Variants in EPB41L3 observed in about 807,000 individuals in gnomAD.
EPB41L3 encodes erythrocyte membrane protein band 4.1 like 3.
Under a neutral mutation model 127.1 loss-of-function variants are expected in EPB41L3, and 57 were observed. The observed-to-expected ratio is 0.45, with a 90% CI of 0.36 to 0.56. EPB41L3 has a LOEUF of 0.56. Among genes scored for constraint, EPB41L3 ranks in the 20% least tolerant of loss-of-function variants. The probability of loss-of-function intolerance (pLI) is 0.00; values close to 1 mark genes in which losing one functional copy is unlikely to be tolerated. For missense variants in EPB41L3, 1,273 were observed against 1,372.2 expected, an observed-to-expected ratio of 0.93 and a Z score of 1.14; for synonymous variants, 572 against 549.5, an observed-to-expected ratio of 1.04 and a Z score of -0.57.
At chr18:5,434,682 G>A (rs2079491946) in intron 6 of EPB41L3, among the ~76,000 whole-genome samples, 2 of 152,134 alleles carry the variant, frequency 1.3e-5, no homozygotes, top group African/African-American at 4.8e-5. Context: ...TGGTGGTGCT[G>A]GTGTAAACAA....
At chr18:5,402,152 C>T (rs2074595323) in intron 16 of EPB41L3, among the ~76,000 whole-genome samples, 1 of 150,800 alleles carries the variant, frequency 6.6e-6, no homozygotes, top group African/African-American at 2.4e-5. Context: ...GAGAAACAAG[C>T]CATTTTCAGA....
chr18:5,573,622 T>G (rs958874275), intron 3 of EPB41L3, among the ~76,000 whole-genome samples: 1 of 152,172 alleles, frequency 6.6e-6, no homozygotes, highest in African/African-American at 2.4e-5. Flanking sequence ...TTCACTGGGT[T>G]GGTTCAAAGA....
At position 5,397,005 on chromosome 18, in the gene EPB41L3, C is replaced by A; in HGVS notation, c.2841+53G>T. 1 of 1,507,360 alleles carries A rather than the reference C, an allele frequency of 6.6e-7. No homozygotes were observed. The highest frequency in any genetic ancestry group is 8.8e-7 in the Non-Finnish European group (1 of 1,130,406). The allele number at this position is 1,507,360 out of a possible 1,614,324, so 93.4% of individuals were successfully genotyped here. A position where few individuals can be genotyped will look rare whatever the true frequency, so the allele number is the denominator to read the frequency against. On this transcript the variant is annotated intron_variant, in intron 18 of 22. Coordinates refer to ENST00000341928, the MANE Select transcript of EPB41L3 (RefSeq NM_012307.5). The surrounding 1 kb of genome is among the most constrained non-coding windows in gnomAD (Gnocchi z 4.1). ...CTTTATGCTGATCTAAATTTCCAGG[C>A]ATCCTATATCAGTTTTATTTTAGTG...
intron 3 of EPB41L3, among the ~76,000 whole-genome samples, chr18:5,586,565 A>ATTTTTTT (rs10669405): frequency 1.6e-5 from 2 of 125,996 alleles, no homozygotes; most frequent in African/African-American, 3.0e-5. Context: ...ATACATGACT[A>ATTTTTTT]TTTTTTTTTT....
chr18:5,522,842 T>C (rs919986806), intron 1 of EPB41L3, among the ~76,000 whole-genome samples: 3 of 152,184 alleles, frequency 2.0e-5, no homozygotes, highest in South Asian at 2.1e-4. Flanking sequence ...TACTGCTAGG[T>C]AGAAAAGTGC....
At chr18:5,419,654 C>T in intron 12 of EPB41L3, 57 bp downstream of exon 12, 1 of 1,605,226 alleles carries the variant, frequency 6.2e-7, no homozygotes, top group Non-Finnish European at 8.5e-7. Context: ...GCCTCAGCAT[C>T]ATTTAGTCAT....
chr18:5,601,513 G>T (rs2094591440), intron 3 of EPB41L3, among the ~76,000 whole-genome samples: 1 of 152,130 alleles, frequency 6.6e-6, no homozygotes, highest in Non-Finnish European at 1.5e-5. Flanking sequence ...GTGTGTTGTT[G>T]TTTTTTTCCT....
At chr18:5,453,767 T>C (rs1031020962) in intron 3 of EPB41L3, among the ~76,000 whole-genome samples, 7 of 152,224 alleles carry the variant, frequency 4.6e-5, no homozygotes, top group Admixed American at 4.6e-4. Flanking sequence ...TTGTCCTTTT[T>C]ACTGCCCTGG....
intron 1 of EPB41L3, among the ~76,000 whole-genome samples, chr18:5,501,396 C>CT (rs1271057463): frequency 6.6e-6 from 1 of 152,204 alleles, no homozygotes; most frequent in South Asian, 2.1e-4. Flanking sequence ...AATCTGACCC[C>CT]TAAAGCCCCT....
At chr18:5,592,990 G>T (rs2094499981) in intron 3 of EPB41L3, among the ~76,000 whole-genome samples, 1 of 152,166 alleles carries the variant, frequency 6.6e-6, no homozygotes, top group African/African-American at 2.4e-5. Flanking sequence ...AGCTATGCAG[G>T]TATCATGTAG....
At chr18:5,629,510 TGAAAGCAG>T, upstream of EPB41L3, among the ~76,000 whole-genome samples, 1 of 151,818 alleles carries the variant, frequency 6.6e-6, no homozygotes, top group South Asian at 2.1e-4. Flanking sequence ...ACTGTCCACT[TGAAAGCAG>T]GAAAGCAGGG....
At position 5,416,176 on chromosome 18, in the gene EPB41L3, T is replaced by C; in HGVS notation, c.1709A>G (p.Asp570Gly). The change falls in exon 13 of 23, where the codon GAT becomes GGT. Residue 570 changes from aspartate (D) to glycine (G), a missense_variant. Physicochemically the swap from Asp to Gly is moderately conservative, Grantham distance 94. Transcript: ENST00000341928. ...GPGRPYLGDQ[D>G]VAFSYRQQTG... ...TTGCTGTCTGTAGCTAAAAGCCACA[T>C]CTTGATCCCCTAGGTAAGGCCTCCC... 6 of 1,614,056 alleles carry C rather than the reference T, an allele frequency of 3.7e-6. No individual in the cohort carries two copies. The highest frequency in any genetic ancestry group is 5.1e-6 in the Non-Finnish European group (6 of 1,179,976).
intron 3 of EPB41L3, among the ~76,000 whole-genome samples, chr18:5,472,557 G>A (rs538867114): frequency 8.5e-5 from 13 of 152,306 alleles, no homozygotes; most frequent in African/African-American, 2.4e-4. Context: ...TTTGGTGAAT[G>A]AACAATACCT....
chr18:5,399,477 C>T, intron 16 of EPB41L3: 1 of 397,742 alleles, frequency 2.5e-6, no homozygotes, highest in Non-Finnish European at 4.4e-6. Flanking sequence ...GCAACTGCTA[C>T]ATGCAGGTCT....
At chr18:5,450,833 A>C (rs2082194906) in intron 3 of EPB41L3, among the ~76,000 whole-genome samples, 2 of 151,822 alleles carry the variant, frequency 1.3e-5, no homozygotes, top group African/African-American at 4.8e-5. Flanking sequence ...TTCAGTGTAG[A>C]TTCTCCTGTT....
intron 3 of EPB41L3, among the ~76,000 whole-genome samples, chr18:5,611,399 T>C (rs72870310): frequency 0.081 from 12,351 of 152,192 alleles, 635 homozygotes; most frequent in Middle Eastern, 0.16. Context: ...GACACTTACA[T>C]GAGGTATACA....
upstream of EPB41L3, among the ~76,000 whole-genome samples, chr18:5,545,989 G>T (rs1376634072): frequency 6.6e-6 from 1 of 151,958 alleles, no homozygotes; most frequent in Non-Finnish European, 1.5e-5. Context: ...GCACTCCATT[G>T]AAAGTGGACT....
At chr18:5,406,066 C>A (rs2075332974) in intron 16 of EPB41L3, among the ~76,000 whole-genome samples, 1 of 152,006 alleles carries the variant, frequency 6.6e-6, no homozygotes, top group African/African-American at 2.4e-5. Flanking sequence ...GCCCGGCCAA[C>A]ATGGCAAAAC....
At chr18:5,530,461 A>G (rs1379105371) in intron 1 of EPB41L3, among the ~76,000 whole-genome samples, 1 of 152,136 alleles carries the variant, frequency 6.6e-6, no homozygotes, top group East Asian at 1.9e-4. Flanking sequence ...CCAACAAGGT[A>G]ACACCCCTCA....
Sources: gnomAD v4.1 joint callset for allele counts (sites outside exome capture counted in the v4.1 genomes callset) on GRCh38, gnomAD v4.1.1 for gene constraint, Gnocchi (gnomAD v3.1) non-coding constraint, MANE v1.5 for transcripts, NCBI Gene and HGNC (gene_info 2026-07-23, HGNC 2026-07-21) for gene names.